The following EPHA6 variants were observed in gnomAD, a reference collection of about 807,000 sequenced individuals.
EPHA6 encodes EPH receptor A6, also known as ephrin type-A receptor 6.
EPHA6 carries 50 observed loss-of-function variants against 112.0 expected under a neutral mutation model. The ratio of observed to expected loss-of-function variants is 0.45; its 90% CI spans 0.36 to 0.56. The LOEUF is 0.56. EPHA6 is among the 20% of genes least tolerant of loss of function. The probability of loss-of-function intolerance (pLI) is 0.00; values close to 1 mark genes in which losing one functional copy is unlikely to be tolerated. For missense variants in EPHA6, 1,280 were observed against 1,417.4 expected (o/e 0.90, Z 1.56); for synonymous variants, 529 against 490.7 (o/e 1.08, Z -1.03).
chr3:96,844,844 A>G (rs897734968), intron 1 of EPHA6, among the ~76,000 whole-genome samples: 4 of 151,990 alleles, frequency 2.6e-5, no homozygotes, highest in Non-Finnish European at 5.9e-5. Context: ...TAAAAAGTCA[A>G]CCAGGATGAT....
chr3:97,006,427 G>C (rs2043881667), intron 3 of EPHA6, among the ~76,000 whole-genome samples: 2 of 152,084 alleles, frequency 1.3e-5, no homozygotes, highest in Admixed American at 1.3e-4. Context: ...ATGGTGGTTT[G>C]TATTTCTGTG....
At chr3:97,112,489 C>T (rs2034059818) in intron 3 of EPHA6, among the ~76,000 whole-genome samples, 1 of 152,098 alleles carries the variant, frequency 6.6e-6, no homozygotes, top group South Asian at 2.1e-4. Context: ...AAGCCAAGTG[C>T]TATTTTTCTA....
intron 2 of EPHA6, among the ~76,000 whole-genome samples, chr3:96,949,235 C>A (rs2107714258): frequency 6.6e-6 from 1 of 151,862 alleles, no homozygotes; most frequent in South Asian, 2.1e-4. Context: ...AATTCTAATA[C>A]AAAATTTAAC....
In EPHA6 at chr3:97,316,885, ATGT is replaced by A. The variant is rs1230661547; in HGVS notation, c.1606+72603_1606+72605del. Among the ~76,000 whole-genome samples the A allele has an allele frequency of 1.3e-5, 2 of 151,906 alleles. 1 individual carries two copies. Among genetic ancestry groups the A allele is most frequent in the East Asian group, 3.9e-4 (2 of 5,178 alleles). ...ATTCCAAAAGTCAAGAAGAGCCCAG[ATGT>A]TGTTAATTAGCTGTATGATCTTGGA... On this transcript the variant is annotated intron_variant, in intron 5 of 17. Transcript: ENST00000389672.
chr3:97,409,567 T>C (rs1293533383), intron 6 of EPHA6, among the ~76,000 whole-genome samples: 2 of 152,044 alleles, frequency 1.3e-5, no homozygotes, highest in Admixed American at 1.3e-4. Flanking sequence ...GATGCTGATT[T>C]TCTAGGTTCC....
intron 10 of EPHA6, among the ~76,000 whole-genome samples, chr3:97,505,102 A>G (rs1183409106): frequency 3.3e-5 from 5 of 152,188 alleles, no homozygotes; most frequent in Non-Finnish European, 7.3e-5. Context: ...TGTGTCCACC[A>G]AGTAGAGTGG....
At chr3:97,094,505 T>G (rs750979547) in intron 3 of EPHA6, among the ~76,000 whole-genome samples, 2 of 152,156 alleles carry the variant, frequency 1.3e-5, no homozygotes, top group African/African-American at 2.4e-5. Context: ...TTAAAGATTG[T>G]GTTGTTGCAT....
intron 2 of EPHA6, among the ~76,000 whole-genome samples, chr3:96,934,029 A>G (rs553670309): frequency 2.0e-5 from 3 of 152,132 alleles, no homozygotes; most frequent in Admixed American, 6.6e-5. Flanking sequence ...TTTGATATTT[A>G]TTACAACCAA....
In EPHA6 at chr3:97,448,741, C is replaced by T; in HGVS notation, c.1894+11C>T. 6 of 1,612,092 alleles carry T rather than the reference C, an allele frequency of 3.7e-6. No homozygotes were observed. The highest frequency in any genetic ancestry group is 5.1e-6 in the Non-Finnish European group (6 of 1,178,416). On this transcript the variant is annotated intron_variant, in intron 7 of 17. Transcript: ENST00000389672. ...AAACAGGAGATGAAAGTAAGTTTCACACAAGGATATAACATAAGATGTGAA... is the reference window on the plus strand; with the variant it reads ...AAACAGGAGATGAAAGTAAGTTTCATACAAGGATATAACATAAGATGTGAA...
At chr3:97,364,504 C>T (rs1252853370) in intron 5 of EPHA6, among the ~76,000 whole-genome samples, 1 of 151,772 alleles carries the variant, frequency 6.6e-6, no homozygotes, top group Non-Finnish European at 1.5e-5. Context: ...AATTATGTCA[C>T]AGCTAGCAAA....
At chr3:96,943,242 T>C (rs1207954980) in intron 2 of EPHA6, among the ~76,000 whole-genome samples, 1 of 152,156 alleles carries the variant, frequency 6.6e-6, no homozygotes, top group Non-Finnish European at 1.5e-5. Flanking sequence ...TGCTACCTAT[T>C]GTATTCTATA....
intron 5 of EPHA6, among the ~76,000 whole-genome samples, chr3:97,333,603 G>A (rs2082912968): frequency 6.7e-6 from 1 of 150,304 alleles, no homozygotes; most frequent in Admixed American, 6.7e-5. Context: ...CCTCCGAGTA[G>A]CTGGAACTAT....
chr3:97,554,741 C>T (rs993091251), intron 11 of EPHA6, among the ~76,000 whole-genome samples: 4 of 151,876 alleles, frequency 2.6e-5, no homozygotes, highest in South Asian at 4.2e-4. Context: ...TGTGTCTGTA[C>T]TTGAGAACAG....
Position 97,599,538 on chromosome 3 carries a change from T to G in EPHA6, c.2512+6801T>G, listed in dbSNP as rs868658361. Among the ~76,000 whole-genome samples the G allele has an allele frequency of 5.1e-3, 766 of 150,118 alleles. 3 individuals are homozygous for G. The highest frequency in any genetic ancestry group is 6.4e-3 in the African/African-American group (260 of 40,662). ...TTAAATAGGGAATCCTTTCCCCATT[T>G]CTTGTTTTTCTCAGGTTTGTCAAAG... On this transcript the variant is annotated intron_variant, in intron 12 of 17. Coordinates refer to ENST00000389672, the MANE Select transcript of EPHA6 (RefSeq NM_001080448.3).
intron 3 of EPHA6, among the ~76,000 whole-genome samples, chr3:97,198,984 C>A (rs2077511699): frequency 6.6e-6 from 1 of 152,024 alleles, no homozygotes; most frequent in African/African-American, 2.4e-5. Flanking sequence ...AAGTATAGGG[C>A]TTTTATTTTT....
At chr3:97,063,675 G>A (rs1301516889) in intron 3 of EPHA6, among the ~76,000 whole-genome samples, 7 of 151,860 alleles carry the variant, frequency 4.6e-5, no homozygotes, top group Admixed American at 2.0e-4. Flanking sequence ...AAACCTTCAC[G>A]TTCTGTACAT....
intron 2 of EPHA6, among the ~76,000 whole-genome samples, chr3:96,978,420 T>G (rs915543978): frequency 6.6e-6 from 1 of 152,270 alleles, no homozygotes; most frequent in African/African-American, 2.4e-5. Flanking sequence ...AAAGGAAAAG[T>G]ATGCCTGAAA....
intron 5 of EPHA6, among the ~76,000 whole-genome samples, chr3:97,259,507 T>C (rs985173284): frequency 1.3e-5 from 2 of 152,212 alleles, no homozygotes; most frequent in Admixed American, 1.3e-4. Context: ...CTTTCAACAA[T>C]ATAATGTAAG....
intron 10 of EPHA6, among the ~76,000 whole-genome samples, chr3:97,524,838 T>G (rs766378919): frequency 1.3e-5 from 2 of 152,166 alleles, no homozygotes; most frequent in African/African-American, 2.4e-5. Flanking sequence ...AAGTCATGTA[T>G]AGTCCTATGG....
Sources: allele counts gnomAD v4.1 joint callset (sites outside exome capture counted in the v4.1 genomes callset), GRCh38; gene constraint gnomAD v4.1.1; transcripts MANE v1.5; gene names NCBI Gene and HGNC (gene_info 2026-07-23, HGNC 2026-07-21).